The following GSN variants were observed in gnomAD, a reference collection of about 807,000 sequenced individuals.
The protein encoded by GSN is gelsolin.
GSN carries 56 observed loss-of-function variants against 85.7 expected under a neutral mutation model. That is an observed-to-expected ratio of 0.65 (90% CI 0.53 to 0.82). The LOEUF (loss-of-function observed/expected upper bound fraction) is 0.82. Among genes scored for constraint, GSN ranks in the 40% least tolerant of loss-of-function variants. The pLI is 0.00. For missense variants in GSN, 857 were observed against 979.8 expected (o/e 0.87, Z 1.67); for synonymous variants, 373 against 399.1 (o/e 0.93, Z 0.78).
At chr9:121,304,571 C>T (rs1470667645) in intron 4 of GSN, among the ~76,000 whole-genome samples, 4 of 152,168 alleles carry the variant, frequency 2.6e-5, no homozygotes, top group African/African-American at 7.2e-5. Context: ...TATCTTTGGG[C>T]GGGTGTTCTC....
intron 4 of GSN, 29 bp downstream of exon 4, chr9:121,303,094 G>T (rs777879692): frequency 1.2e-6 from 2 of 1,609,252 alleles, no homozygotes; most frequent in East Asian, 4.5e-5. Flanking sequence ...TGCTTGAGCG[G>T]TAGGGACAGA....
At chr9:121,310,428 A>T in intron 4 of GSN, 1 of 516,898 alleles carries the variant, frequency 1.9e-6, no homozygotes, top group South Asian at 2.0e-5. Flanking sequence ...TGCAGTGGGC[A>T]GGGAATCTCT....
At chr9:121,225,506 C>G (rs2054256364) in intron 4 of GSN, among the ~76,000 whole-genome samples, 1 of 152,204 alleles carries the variant, frequency 6.6e-6, no homozygotes, top group South Asian at 2.1e-4. Flanking sequence ...TGATTTCCAG[C>G]TCTGCAGCCA....
intron 11 of GSN, 77 bp downstream of exon 11, chr9:121,321,478 G>A: frequency 4.1e-6 from 6 of 1,454,860 alleles, no homozygotes; most frequent in Non-Finnish European, 4.8e-6. Context: ...CAAACTGAGG[G>A]TGTGAGGGCC....
chr9:121,202,853 G>A (rs1270315298), upstream of GSN, among the ~76,000 whole-genome samples: 1 of 152,178 alleles, frequency 6.6e-6, no homozygotes, highest in Non-Finnish European at 1.5e-5. Context: ...CCGGCCGGGC[G>A]CGGTGGCTCA....
At chr9:121,310,055 A>T (rs2060905221) in intron 4 of GSN, 2 of 154,238 alleles carry the variant, frequency 1.3e-5, no homozygotes, top group Admixed American at 6.4e-5. Flanking sequence ...AAGAGAATGA[A>T]AGAAAGAAAA....
chr9:121,201,887 A>C, the GSN span: 1 of 152,502 alleles, frequency 6.6e-6, no homozygotes, highest in African/African-American at 2.4e-5. Flanking sequence ...CTCCCTGCAC[A>C]GGGTTTCCTG....
At chr9:121,217,467 T>A (rs2054086445) in intron 4 of GSN, among the ~76,000 whole-genome samples, 1 of 152,188 alleles carries the variant, frequency 6.6e-6, no homozygotes. Context: ...CAGATTATTT[T>A]GTCACCCAGG....
intron 5 of GSN, chr9:121,238,554 G>T: frequency 5.8e-6 from 1 of 172,970 alleles, no homozygotes; most frequent in South Asian, 1.3e-4. Flanking sequence ...GCTTGCAGAC[G>T]GCTTATTGTG....
intron 5 of GSN, among the ~76,000 whole-genome samples, chr9:121,244,428 A>G (rs2054660716): frequency 6.6e-6 from 1 of 152,224 alleles, no homozygotes; most frequent in Admixed American, 6.5e-5. Context: ...ATGTTTTCCA[A>G]AGTGGCTGCA....
At chr9:121,242,478 C>T (rs774858897) in intron 5 of GSN, among the ~76,000 whole-genome samples, 3 of 128,082 alleles carry the variant, frequency 2.3e-5, no homozygotes, top group Non-Finnish European at 5.4e-5. Context: ...GAGTAACGAA[C>T]CAAATGGGGC....
chr9:121,300,021 G>A lies in GSN; in HGVS notation c.-9-1942G>A, dbSNP rs1268467289. ...CGAGGCGCGGGTGAGTGCCCGGGGG[G>A]CCCCGGGGCTCCCGGAGTAACTCTC... is the stretch of plus-strand genomic sequence containing the variant. On this transcript the variant is annotated intron_variant, in intron 2 of 17. Coordinates refer to ENST00000432226, the MANE Select transcript of GSN (RefSeq NM_198252.3). 7 of 1,509,238 alleles carry A rather than the reference G, an allele frequency of 4.6e-6. No homozygotes were observed. Among genetic ancestry groups the A allele is most frequent in the South Asian group, 1.3e-5 (1 of 77,930 alleles). 93.5% of individuals were successfully genotyped at this position (1,509,238 alleles called of 1,614,324 possible).
intron 4 of GSN, among the ~76,000 whole-genome samples, chr9:121,228,421 TA>T: frequency 3.7e-5 from 2 of 54,306 alleles, no homozygotes; most frequent in African/African-American, 1.1e-4. Flanking sequence ...TATATATATA[TA>T]TATTTTTTTT....
At chr9:121,239,616 C>T (rs979135149) in intron 5 of GSN, 9 of 280,180 alleles carry the variant, frequency 3.2e-5, no homozygotes, top group East Asian at 2.0e-4. Context: ...AATGCTGGTC[C>T]GAATCATGTC....
chr9:121,311,539 G>A (rs990042835), intron 5 of GSN: 1 of 154,198 alleles, frequency 6.5e-6, no homozygotes, highest in African/African-American at 2.4e-5. Context: ...ATTACACAGA[G>A]CGAACACACT....
At chr9:121,218,241 A>G (rs1478106907) in intron 4 of GSN, among the ~76,000 whole-genome samples, 1 of 152,248 alleles carries the variant, frequency 6.6e-6, no homozygotes, top group Non-Finnish European at 1.5e-5. Context: ...CAAAACAAAG[A>G]GTTTATTTGA....
At chr9:121,263,366 A>C (rs774745063), upstream of GSN, among the ~76,000 whole-genome samples, 4 of 152,340 alleles carry the variant, frequency 2.6e-5, no homozygotes, top group East Asian at 5.8e-4. Flanking sequence ...TGAAGTACTA[A>C]GTTTTGAGAA....
chr9:121,239,257 A>G, intron 5 of GSN: 1 of 373,964 alleles, frequency 2.7e-6, no homozygotes. Flanking sequence ...GATAACCAAT[A>G]CATGTTTCTC....
At chr9:121,247,507 G>A (rs929947918) in intron 5 of GSN, among the ~76,000 whole-genome samples, 2 of 152,150 alleles carry the variant, frequency 1.3e-5, no homozygotes, top group African/African-American at 4.8e-5. Flanking sequence ...AACTGAAATC[G>A]TTTTTCTTCA....
Sources: gnomAD v4.1 joint callset for allele counts (sites outside exome capture counted in the v4.1 genomes callset) on GRCh38, gnomAD v4.1.1 for gene constraint, MANE v1.5 for transcripts, NCBI Gene and HGNC (gene_info 2026-07-23, HGNC 2026-07-21) for gene names.